The following SLC35F3 variants were observed in gnomAD, a reference collection of about 807,000 sequenced individuals.
The protein encoded by SLC35F3 is solute carrier family 35 member F3.
A neutral mutation model predicts 49.9 loss-of-function variants in SLC35F3; 25 were observed. The ratio of observed to expected loss-of-function variants is 0.50; its 90% CI spans 0.37 to 0.70. The LOEUF (loss-of-function observed/expected upper bound fraction) is 0.70. Among genes scored for constraint, SLC35F3 ranks in the 30% least tolerant of loss-of-function variants. SLC35F3 has a pLI of 0.00. For missense variants in SLC35F3, 525 were observed against 639.8 expected (o/e 0.82, Z 1.94); for synonymous variants, 275 against 265.4 (o/e 1.04, Z -0.35).
At chr1:234,280,721 CG>C (rs1271555453) in intron 3 of SLC35F3, among the ~76,000 whole-genome samples, 2 of 152,164 alleles carry the variant, frequency 1.3e-5, no homozygotes, top group East Asian at 3.8e-4. Context: ...AGCACATGTG[CG>C]TACTCTATCT....
intron 2 of SLC35F3, among the ~76,000 whole-genome samples, chr1:234,071,759 C>T (rs1342028087): frequency 6.6e-6 from 1 of 152,202 alleles, no homozygotes; most frequent in African/African-American, 2.4e-5. Flanking sequence ...TTAATAACAG[C>T]TCCTCCCAAA....
At chr1:234,316,786 G>T in intron 5 of SLC35F3, 59 bp downstream of exon 5, 1 of 1,557,640 alleles carries the variant, frequency 6.4e-7, no homozygotes, top group South Asian at 1.2e-5. Flanking sequence ...AGCACAGCCG[G>T]CTTTAGATCG....
At chr1:234,143,315 G>T (rs1413412188) in intron 2 of SLC35F3, among the ~76,000 whole-genome samples, 1 of 131,392 alleles carries the variant, frequency 7.6e-6, no homozygotes, top group African/African-American at 2.9e-5. Flanking sequence ...TGAGATAAAG[G>T]CTCACTCTTG....
chr1:233,972,339 G>A (rs537493780), intron 2 of SLC35F3, among the ~76,000 whole-genome samples: 2 of 152,310 alleles, frequency 1.3e-5, no homozygotes, highest in Non-Finnish European at 2.9e-5. Context: ...CATGATGGCT[G>A]AAACATTATG....
At chr1:233,923,093 G>C (rs551186653) in intron 2 of SLC35F3, among the ~76,000 whole-genome samples, 103 of 152,146 alleles carry the variant, frequency 6.8e-4, no homozygotes, top group African/African-American at 2.4e-3. Flanking sequence ...ATGCCTCCAG[G>C]TTTGTTCTTT....
intron 2 of SLC35F3, among the ~76,000 whole-genome samples, chr1:233,998,053 G>T: frequency 6.6e-6 from 1 of 152,086 alleles, no homozygotes; most frequent in Middle Eastern, 3.4e-3. Context: ...CGCCCAGCCC[G>T]TATTTTCTTC....
At chr1:234,071,601 T>G (rs1664713091) in intron 2 of SLC35F3, among the ~76,000 whole-genome samples, 1 of 152,222 alleles carries the variant, frequency 6.6e-6, no homozygotes, top group African/African-American at 2.4e-5. Context: ...CCATGAAAGT[T>G]ACAACAAATA....
At chr1:234,004,889 T>G (rs1406167596) in intron 2 of SLC35F3, among the ~76,000 whole-genome samples, 1 of 152,174 alleles carries the variant, frequency 6.6e-6, no homozygotes, top group East Asian at 1.9e-4. Context: ...TCCTCTCACT[T>G]GCAAATTTGC....
At chr1:233,996,975 T>G (rs1663471290) in intron 2 of SLC35F3, among the ~76,000 whole-genome samples, 1 of 152,204 alleles carries the variant, frequency 6.6e-6, no homozygotes, top group Non-Finnish European at 1.5e-5. Flanking sequence ...GGGGTGTTTT[T>G]CGATTTCACA....
intron 2 of SLC35F3, among the ~76,000 whole-genome samples, chr1:234,173,794 T>C (rs913337776): frequency 6.6e-6 from 1 of 152,174 alleles, no homozygotes; most frequent in African/African-American, 2.4e-5. Context: ...TTGGACTCCT[T>C]CAGTGGGAGA....
intron 2 of SLC35F3, among the ~76,000 whole-genome samples, chr1:234,101,662 C>G (rs1451560803): frequency 6.6e-6 from 1 of 152,222 alleles, no homozygotes; most frequent in Non-Finnish European, 1.5e-5. Flanking sequence ...CAGCACTTTT[C>G]TAGACCTTTC....
At chr1:233,924,048 G>T (rs1212056467) in intron 2 of SLC35F3, among the ~76,000 whole-genome samples, 1 of 152,184 alleles carries the variant, frequency 6.6e-6, no homozygotes, top group Non-Finnish European at 1.5e-5. Context: ...TGTTTTGCCA[G>T]TATTTTATTG....
intron 2 of SLC35F3, among the ~76,000 whole-genome samples, chr1:234,148,528 A>G (rs1233831297): frequency 6.6e-6 from 1 of 152,174 alleles, no homozygotes; most frequent in Non-Finnish European, 1.5e-5. Context: ...GGCATATCAC[A>G]TCTAGAGAGG....
chr1:234,006,046 G>A (rs114778315), intron 2 of SLC35F3, among the ~76,000 whole-genome samples: 3,038 of 152,174 alleles, frequency 0.02, 37 homozygotes, highest in Non-Finnish European at 0.029. Context: ...TCACTACCTC[G>A]ATACTTCAGA....
At chr1:233,934,537 G>C (rs1662294336) in intron 2 of SLC35F3, among the ~76,000 whole-genome samples, 1 of 152,104 alleles carries the variant, frequency 6.6e-6, no homozygotes, top group Non-Finnish European at 1.5e-5. Context: ...AATTATTACA[G>C]AGATATTTTA....
chr1:233,919,355 A>G (rs1571979038), intron 2 of SLC35F3, among the ~76,000 whole-genome samples: 1 of 151,936 alleles, frequency 6.6e-6, no homozygotes, highest in Non-Finnish European at 1.5e-5. Context: ...CTTGGTTGCA[A>G]CCCCCCAACC....
At chr1:234,061,951 C>A (rs1204582187) in intron 2 of SLC35F3, among the ~76,000 whole-genome samples, 1 of 152,102 alleles carries the variant, frequency 6.6e-6, no homozygotes. Context: ...TTAAATATGA[C>A]ATCTGGTCAC....
intron 2 of SLC35F3, among the ~76,000 whole-genome samples, chr1:233,908,435 G>A (rs1364692333): frequency 6.6e-6 from 1 of 151,734 alleles, no homozygotes; most frequent in African/African-American, 2.4e-5. Context: ...GATAAATGAG[G>A]TAATTGTGAA....
intron 3 of SLC35F3, among the ~76,000 whole-genome samples, chr1:234,267,725 C>T (rs1240222791): frequency 6.6e-6 from 1 of 150,644 alleles, no homozygotes; most frequent in Non-Finnish European, 1.5e-5. Flanking sequence ...CGGAGGGGCT[C>T]CTCACTTCTC....
Sources: allele counts gnomAD v4.1 joint callset (sites outside exome capture counted in the v4.1 genomes callset), GRCh38; gene constraint gnomAD v4.1.1; transcripts MANE v1.5; gene names NCBI Gene and HGNC (gene_info 2026-07-23, HGNC 2026-07-21).